Variants in VPS13C observed in about 807,000 individuals in gnomAD.
VPS13C encodes intermembrane lipid transfer protein VPS13C.
VPS13C carries 358 observed loss-of-function variants against 456.8 expected under a neutral mutation model. The ratio of observed to expected loss-of-function variants is 0.78; its 90% confidence interval spans 0.72 to 0.86. The LOEUF is 0.86. Among genes scored for constraint, VPS13C ranks in the 40% least tolerant of loss-of-function variants. The probability of loss-of-function intolerance (pLI) is 0.00; values close to 1 mark genes in which losing one functional copy is unlikely to be tolerated. For missense variants in VPS13C, 4,818 were observed against 4,385.4 expected (o/e 1.10, Z -2.79); for synonymous variants, 1,578 against 1,486.7 (o/e 1.06, Z -1.41).
At chr15:61,930,508 C>CA (rs1567017416) in intron 50 of VPS13C, among the ~76,000 whole-genome samples, 1 of 151,924 alleles carries the variant, frequency 6.6e-6, no homozygotes, top group Non-Finnish European at 1.5e-5. Flanking sequence ...AAAGCAACAA[C>CA]AAAAAAATCA....
At chr15:61,930,418 C>A (rs1304428807) in intron 50 of VPS13C, among the ~76,000 whole-genome samples, 1 of 152,130 alleles carries the variant, frequency 6.6e-6, no homozygotes, top group African/African-American at 2.4e-5. Flanking sequence ...TTATTCATCT[C>A]TCAGAAAAAC....
chr15:62,042,593 T>C (rs1371320501), intron 2 of VPS13C, among the ~76,000 whole-genome samples: 2 of 151,864 alleles, frequency 1.3e-5, no homozygotes, highest in Non-Finnish European at 1.5e-5. Context: ...AAAGATAAAT[T>C]CAAGGGAATT....
At position 61,917,450 on chromosome 15, in the gene VPS13C, C is replaced by T. The variant is rs1291904321; in HGVS notation, c.7946G>A (p.Ser2649Asn). ...GTCTTCCCCATGTGTACATATGTAG[C>T]TCAATTCATCAGGCAGAGCAACTGT... Reference protein sequence around the residue: ...VNTVALPDELSYICTHGEDWD... With the variant: ...VNTVALPDELNYICTHGEDWD... The change falls in exon 60 of 85, where the codon AGC becomes AAC. Residue 2649 changes from serine (S) to asparagine (N), a missense_variant. By Grantham distance (46) the Ser-to-Asn change is conservative. This residue lies in a region of VPS13C where 4,552 missense variants were observed against 4,130.6 expected (regional missense o/e 1.10). Coordinates refer to ENST00000644861, the MANE Select transcript of VPS13C (RefSeq NM_020821.3). 4 of 1,613,982 alleles carry T rather than the reference C, an allele frequency of 2.5e-6. No homozygotes were observed. In the African/African-American group the frequency reaches 4.0e-5, roughly 16 times the overall value.
chr15:61,915,147 T>A (rs749354694), intron 61 of VPS13C, among the ~76,000 whole-genome samples: 15 of 151,422 alleles, frequency 9.9e-5, no homozygotes, highest in Non-Finnish European at 2.1e-4. Flanking sequence ...TAGAGGTGAG[T>A]CCTTGGGGAA....
At chr15:61,885,057 G>A (rs1347908509) in intron 67 of VPS13C, among the ~76,000 whole-genome samples, 2 of 152,068 alleles carry the variant, frequency 1.3e-5, no homozygotes, top group African/African-American at 4.8e-5. Context: ...CAGAAAAAAT[G>A]TTGCTGGAAC....
At chr15:62,036,576 A>G (rs1279423163) in intron 3 of VPS13C, among the ~76,000 whole-genome samples, 2 of 152,084 alleles carry the variant, frequency 1.3e-5, no homozygotes, top group Non-Finnish European at 1.5e-5. Context: ...CAGTGATTTT[A>G]TATTTACAAT....
intron 66 of VPS13C, among the ~76,000 whole-genome samples, chr15:61,894,289 C>A (rs1328486754): frequency 1.3e-5 from 2 of 150,160 alleles, no homozygotes; most frequent in African/African-American, 2.5e-5. Context: ...GCCAGGGTGA[C>A]AGAGCAAGAC....
Position 61,884,188 on chromosome 15 carries a change from G to C in VPS13C, c.9423C>G (p.Ser3141=). The change falls in exon 68 of 85, where the codon TCC becomes TCG. Residue 3141 remains serine (S), a synonymous_variant. Coordinates refer to ENST00000644861, the MANE Select transcript of VPS13C (RefSeq NM_020821.3). ...CTCTTGATATTTGATGTTTCTGATAGGATTGTTCCAATAAGATTATCTGCT... is the reference window on the plus strand; with the variant it reads ...CTCTTGATATTTGATGTTTCTGATACGATTGTTCCAATAAGATTATCTGCT... ...SQKQIILLEQ[S]YQKHQISRDH... The C allele has an allele frequency of 6.2e-7, 1 of 1,609,818 alleles. No homozygotes were observed. Among genetic ancestry groups the C allele is most frequent in the East Asian group, 2.2e-5 (1 of 44,594 alleles).
chr15:61,985,402 G>A (rs1278368790), intron 18 of VPS13C, among the ~76,000 whole-genome samples: 1 of 152,078 alleles, frequency 6.6e-6, no homozygotes, highest in Admixed American at 6.5e-5. Context: ...GATCACAGGT[G>A]CCCGCCACCA....
At chr15:61,903,167 A>AAAAAAC (rs3055608) in intron 66 of VPS13C, among the ~76,000 whole-genome samples, 141 of 152,108 alleles carry the variant, frequency 9.3e-4, no homozygotes, top group African/African-American at 3.3e-3. Flanking sequence ...CTCTACAGAA[A>AAAAAAC]AAAAACAAAA....
intron 71 of VPS13C, 76 bp from the exon 72 acceptor site, chr15:61,881,030 G>C: frequency 8.3e-7 from 1 of 1,203,448 alleles, no homozygotes; most frequent in South Asian, 1.5e-5. Flanking sequence ...TTTGATTTCA[G>C]TGAAAAGCCA....
Position 61,967,420 on chromosome 15 carries a change from A to T in VPS13C, c.2939T>A (p.Ile980Asn), listed in dbSNP as rs766952678. 1 of 1,605,172 alleles carries T rather than the reference A, an allele frequency of 6.2e-7. No homozygotes were observed. The highest frequency in any genetic ancestry group is 1.1e-5 in the South Asian group (1 of 89,304). Residue 980 changes from isoleucine to asparagine, a missense_variant, in exon 29 of 85, where the codon ATT becomes AAT. Ile to Asn is a moderately radical substitution (Grantham distance 149, BLOSUM62 -3). Coordinates refer to ENST00000644861, the MANE Select transcript of VPS13C (RefSeq NM_020821.3). The stretch of plus-strand genomic sequence containing the variant: ...TAATCCAGGTTTGTCAGAAGAGCTA[A>T]TCAAGTGAAGGGGCTTCCTTTTGGA... ...EGSKRKPLHL[I>N]SSSDKPGLDL...
At chr15:61,870,867 G>A (rs911496602) in intron 79 of VPS13C, among the ~76,000 whole-genome samples, 1 of 152,068 alleles carries the variant, frequency 6.6e-6, no homozygotes, top group African/African-American at 2.4e-5. Flanking sequence ...GACTAATGAT[G>A]TTTACCATCC....
rs1567144264 is a variant in VPS13C, at chr15:62,044,233, T to C, written c.123A>G (p.Leu41=). The C allele has an allele frequency of 1.3e-6, 2 of 1,482,420 alleles. No individual in the cohort carries two copies. The highest frequency in any genetic ancestry group is 1.9e-6 in the Non-Finnish European group (2 of 1,078,882). 91.8% of individuals were successfully genotyped at this position (1,482,420 alleles called of 1,614,324 possible). A position where few individuals can be genotyped will look rare whatever the true frequency, so the allele number is the denominator to read the frequency against. ...TTACCAGGGCATTTTCTTTTATCTG[T>C]AGATTATCTAAAGCCACATTTCCTT... is the stretch of plus-strand genomic sequence containing the variant. ...IWGGNVALDN[L]QIKENALSEL... The change falls in exon 2 of 85, where the codon CTA becomes CTG. Residue 41 remains leucine (L), a synonymous_variant. Transcript: ENST00000644861.
At chr15:62,000,461 G>T in intron 16 of VPS13C, 103 bp downstream of exon 16, 1 of 1,043,862 alleles carries the variant, frequency 9.6e-7, no homozygotes, top group Non-Finnish European at 1.4e-6. Context: ...ACTAAATTAA[G>T]CAATAAAAAC....
intron 51 of VPS13C, 109 bp downstream of exon 51, chr15:61,929,392 T>A (rs2043976711): frequency 7.3e-7 from 1 of 1,377,822 alleles, no homozygotes; most frequent in Admixed American, 2.5e-5. Flanking sequence ...TATGTTTAAA[T>A]ATAAAAGACT....
chr15:61,955,211 G>C (rs2044946339), intron 37 of VPS13C, among the ~76,000 whole-genome samples: 1 of 152,144 alleles, frequency 6.6e-6, no homozygotes, highest in Non-Finnish European at 1.5e-5. Flanking sequence ...GGCAGACACT[G>C]TTCTAAGGTC....
At chr15:62,025,609 C>G (rs887328098) in intron 6 of VPS13C, among the ~76,000 whole-genome samples, 5 of 152,048 alleles carry the variant, frequency 3.3e-5, no homozygotes, top group Non-Finnish European at 5.9e-5. Flanking sequence ...TGTTCTAGCA[C>G]CATGTTCTGT....
intron 81 of VPS13C, chr15:61,866,366 CT>C: frequency 1.0e-6 from 1 of 983,548 alleles, no homozygotes; most frequent in African/African-American, 1.7e-5. Flanking sequence ...AAGTTTTGTG[CT>C]TTTTGACAGA....
Sources: allele counts gnomAD v4.1 joint callset (sites outside exome capture counted in the v4.1 genomes callset), GRCh38; gene constraint gnomAD v4.1.1; regional missense constraint gnomAD v4.1.1; transcripts MANE v1.5; gene names NCBI Gene and HGNC (gene_info 2026-07-23, HGNC 2026-07-21).